The following PCSK7 variants were observed in gnomAD, a reference collection of about 807,000 sequenced individuals.
The protein encoded by PCSK7 is lymphoma proprotein convertase.
Under a neutral mutation model 73.3 loss-of-function variants are expected in PCSK7, and 38 were observed. The ratio of observed to expected loss-of-function variants is 0.52; its 90% CI spans 0.40 to 0.68. The LOEUF is 0.68. PCSK7 is among the 30% of genes least tolerant of loss of function. The pLI is 0.00. For missense variants in PCSK7, 692 were observed against 991.5 expected (o/e 0.70, Z 4.06); for synonymous variants, 296 against 383.8 (o/e 0.77, Z 2.68).
intron 8 of PCSK7, 25 bp downstream of exon 8, chr11:117,224,053 G>A (rs1475566825): frequency 1.9e-6 from 3 of 1,612,502 alleles, no homozygotes; most frequent in Non-Finnish European, 2.5e-6. Context: ...ACACACACAG[G>A]AGCACAGAAA....
chr11:117,231,132 G>GTGGGTCGT (rs1422164774), intron 1 of PCSK7: 2 of 151,996 alleles, frequency 1.3e-5, no homozygotes, highest in Non-Finnish European at 2.9e-5. Flanking sequence ...TGTACCTATG[G>GTGGGTCGT]TGGCTGGGCT....
intron 12 of PCSK7, chr11:117,213,433 TAGAA>T (rs1039010807): frequency 1.3e-5 from 2 of 152,156 alleles, no homozygotes; most frequent in African/African-American, 2.4e-5. Context: ...GGGAAAATCT[TAGAA>T]AGCAAGCCAG....
intron 12 of PCSK7, chr11:117,213,885 A>G (rs2031836206): frequency 6.6e-6 from 1 of 151,838 alleles, no homozygotes; most frequent in Non-Finnish European, 1.5e-5. Flanking sequence ...AATTTTTTCA[A>G]CAGTCACTCT....
intron 12 of PCSK7, chr11:117,210,916 A>T (rs2031701874): frequency 6.6e-6 from 1 of 152,170 alleles, no homozygotes; most frequent in South Asian, 2.1e-4. Flanking sequence ...AGCCTGGGCA[A>T]TAGAGTGAGA....
At chr11:117,229,881 G>A in intron 2 of PCSK7, 25 bp from the exon 3 acceptor site, 1 of 1,335,802 alleles carries the variant, frequency 7.5e-7, no homozygotes, top group Non-Finnish European at 1.0e-6. Context: ...AAAGGATATG[G>A]AAGAGATCAA....
Position 117,229,685 on chromosome 11 carries a change from A to C in PCSK7, c.160T>G (p.Trp54Gly), listed in dbSNP as rs1234658531. The C allele has an allele frequency of 6.2e-7, 1 of 1,613,792 alleles. No individual in the cohort carries two copies. The highest frequency in any genetic ancestry group is 2.2e-5 in the East Asian group (1 of 44,886). ...PDGQGTGGPS[W>G]AVHLESLEGD... ...TCCAGGCTTTCCAGGTGCACAGCCC[A>C]GCTCGGCCCCCCTGTGCCCTGGCCA... Residue 54 changes from tryptophan to glycine, a missense_variant, in exon 3 of 17, where the codon TGG becomes GGG. Transcript: ENST00000320934.
chr11:117,217,468 A>G (rs2032032095), intron 12 of PCSK7: 1 of 152,226 alleles, frequency 6.6e-6, no homozygotes, highest in South Asian at 2.1e-4. Flanking sequence ...TTTATGGGAA[A>G]TGCAGTGACT....
chr11:117,229,659 T>C lies in PCSK7; in HGVS notation c.186A>G (p.Glu62=). The C allele has an allele frequency of 1.2e-6, 2 of 1,613,840 alleles. No homozygotes were observed. The highest frequency in any genetic ancestry group is 1.7e-6 in the Non-Finnish European group (2 of 1,179,734). ...CCAGAGTCTCTTCCTCCCCGTCACC[T>C]TCCAGGCTTTCCAGGTGCACAGCCC... ...PSWAVHLESL[E]GDGEEETLEQ... Residue 62 remains glutamate, a synonymous_variant, in exon 3 of 17, where the codon GAA becomes GAG. Transcript: ENST00000320934.
chr11:117,227,140 C>T lies in PCSK7; in HGVS notation c.769+17G>A, dbSNP rs758167044. 3 of 1,587,776 alleles carry T rather than the reference C, an allele frequency of 1.9e-6. No individual in the cohort carries two copies. The highest frequency in any genetic ancestry group is 2.6e-6 in the Non-Finnish European group (3 of 1,166,918). On this transcript the variant is annotated intron_variant, in intron 5 of 16. Transcript: ENST00000320934. ...ACAGGAGCAGCCTACCAAGGCTAGGCTGGAGGCACAAGTTACCTGCGATGC... is the reference window on the plus strand; with the variant it reads ...ACAGGAGCAGCCTACCAAGGCTAGGTTGGAGGCACAAGTTACCTGCGATGC...
At chr11:117,220,667 G>A (rs2032156606) in intron 9 of PCSK7, 1 of 152,278 alleles carries the variant, frequency 6.6e-6, no homozygotes, top group Admixed American at 6.5e-5. Context: ...GGAGCTACTG[G>A]GCCCAGCTGG....
At chr11:117,227,736 C>T (rs763643554) in intron 4 of PCSK7, among the ~76,000 whole-genome samples, 9 of 152,244 alleles carry the variant, frequency 5.9e-5, no homozygotes, top group African/African-American at 9.6e-5. Flanking sequence ...CCACCGCGCC[C>T]GGACCCAATA....
intron 4 of PCSK7, 108 bp downstream of exon 4, chr11:117,228,108 G>A: frequency 9.5e-7 from 1 of 1,055,902 alleles, no homozygotes; most frequent in Middle Eastern, 2.7e-4. Flanking sequence ...CACCTCCCAG[G>A]CTCTTTTATT....
At chr11:117,226,999 T>C (rs2032456336) in intron 5 of PCSK7, 158 bp downstream of exon 5, 1 of 542,470 alleles carries the variant, frequency 1.8e-6, no homozygotes, top group East Asian at 3.3e-5. Context: ...TGAGCTGATA[T>C]GTCCTACAGA....
chr11:117,229,020 C>T, intron 3 of PCSK7, among the ~76,000 whole-genome samples: 1 of 152,222 alleles, frequency 6.6e-6, no homozygotes, highest in East Asian at 1.9e-4. Flanking sequence ...TGTATACATT[C>T]ACTTACCCTA....
Position 117,204,436 on chromosome 11 carries a change from C to T in PCSK7, c.*1561G>A. On this transcript the variant is annotated 3_prime_UTR_variant, in exon 17 of 17. Coordinates refer to ENST00000320934, the MANE Select transcript of PCSK7 (RefSeq NM_004716.4). ...GCCATCCCGCTTAGCCTGCCTCACC[C>T]ACACCCGTGTGGTACCTTCAGCCCT... The T allele has an allele frequency of 1.2e-6, 2 of 1,601,422 alleles. No homozygotes were observed. Among genetic ancestry groups the T allele is most frequent in the Non-Finnish European group, 1.7e-6 (2 of 1,171,334 alleles).
chr11:117,214,715 A>C (rs1271996085), intron 12 of PCSK7: 1 of 152,294 alleles, frequency 6.6e-6, no homozygotes, highest in Non-Finnish European at 1.5e-5. Flanking sequence ...CAGTTCATTC[A>C]TTTGAAAAGT....
At chr11:117,227,961 A>G (rs956458212) in intron 4 of PCSK7, among the ~76,000 whole-genome samples, 2 of 152,140 alleles carry the variant, frequency 1.3e-5, no homozygotes, top group Admixed American at 6.5e-5. Flanking sequence ...TTCCAACAAG[A>G]GGGAAGTTGC....
At position 117,229,773 on chromosome 11, in the gene PCSK7, T is replaced by C; in HGVS notation, c.72A>G (p.Glu24=). Reference sequence around the variant, plus strand: ...GAACCAGTAAGAAGAGCCCGGCTAATTCCAGCCAGAGGCAGGTGGGCAGGC... The same window carrying C: ...GAACCAGTAAGAAGAGCCCGGCTAACTCCAGCCAGAGGCAGGTGGGCAGGC... ...PLGLPTCLWL[E]LAGLFLLVPW... Residue 24 remains glutamate, a synonymous_variant, in exon 3 of 17, where the codon GAA becomes GAG. Transcript: ENST00000320934. 6.2e-7 allele frequency: 1 copy of C among 1,612,450 alleles called. No homozygotes were observed. The highest frequency in any genetic ancestry group is 8.5e-7 in the Non-Finnish European group (1 of 1,178,920).
At position 117,218,906 on chromosome 11, in the gene PCSK7, A is replaced by T; in HGVS notation, c.1431+151T>A. The stretch of plus-strand genomic sequence containing the variant: ...GCCTGCTTTCTCATTTGTAAAATGG[A>T]TATCAGCTGGGATGAAGGTTGAAGT... On this transcript the variant is annotated intron_variant, in intron 11 of 16. Coordinates refer to ENST00000320934, the MANE Select transcript of PCSK7 (RefSeq NM_004716.4). This position sits in a 1 kb window ranked among gnomAD's most constrained non-coding sequence, Gnocchi z 4.0. 1.7e-6 allele frequency: 1 copy of T among 596,494 alleles called. No homozygotes were observed. Among genetic ancestry groups the T allele is most frequent in the Non-Finnish European group, 3.0e-6 (1 of 336,344 alleles). The allele number at this position is 596,494 out of a possible 1,614,324, so 37.0% of individuals were successfully genotyped here. A position where few individuals can be genotyped will look rare whatever the true frequency, so the allele number is the denominator to read the frequency against.
Sources: gnomAD v4.1 joint callset for allele counts (sites outside exome capture counted in the v4.1 genomes callset) on GRCh38, gnomAD v4.1.1 for gene constraint, Gnocchi (gnomAD v3.1) non-coding constraint, MANE v1.5 for transcripts, NCBI Gene and HGNC (gene_info 2026-07-23, HGNC 2026-07-21) for gene names.